AUTS2: variants seen among roughly 807,000 people sequenced by gnomAD.
AUTS2 encodes the protein autism susceptibility gene 2 protein.
Under a neutral mutation model 112.4 loss-of-function variants are expected in AUTS2, and 17 were observed. The ratio of observed to expected loss-of-function variants is 0.15; its 90% CI spans 0.10 to 0.23. The LOEUF (loss-of-function observed/expected upper bound fraction) is 0.23. Among genes scored for constraint, AUTS2 ranks in the 10% least tolerant of loss-of-function variants. AUTS2 has a pLI of 1.00. For synonymous variants in AUTS2, 751 were observed against 702.7 expected (o/e 1.07, Z -1.09); for missense variants, 1,510 against 1,701.6 (o/e 0.89, Z 1.98).
intron 1 of AUTS2, among the ~76,000 whole-genome samples, chr7:69,731,997 TG>T: frequency 6.6e-6 from 1 of 152,272 alleles, no homozygotes; most frequent in African/African-American, 2.4e-5. Flanking sequence ...AATAGTTTTT[TG>T]TTTTTTGTTT....
At chr7:70,240,622 T>C (rs1428443822) in intron 4 of AUTS2, among the ~76,000 whole-genome samples, 9 of 152,212 alleles carry the variant, frequency 5.9e-5, no homozygotes, top group African/African-American at 2.2e-4. Flanking sequence ...ATTCAGTTGG[T>C]CTGCTCAAGG....
At chr7:69,704,808 T>A (rs1054112175) in intron 1 of AUTS2, among the ~76,000 whole-genome samples, 2 of 152,186 alleles carry the variant, frequency 1.3e-5, no homozygotes, top group African/African-American at 4.8e-5. Context: ...ATATTCAGTA[T>A]TTTGATATTC....
Position 69,598,556 on chromosome 7 carries a change from AG to A in AUTS2, c.-1097del. Reference sequence around the variant, plus strand: ...GGGCTTTCTCGGCGGCGGCGGCGGCAGCAGCAGCAGCGTTAGCGGCGGCGGC... The same window carrying A: ...GGGCTTTCTCGGCGGCGGCGGCGGCACAGCAGCAGCGTTAGCGGCGGCGGC... On this transcript the variant is annotated 5_prime_UTR_variant, in exon 1 of 19. Coordinates refer to ENST00000342771, the MANE Select transcript of AUTS2 (RefSeq NM_015570.4). 1 of 169,068 alleles carries A rather than the reference AG, an allele frequency of 5.9e-6. No homozygotes were observed. Among genetic ancestry groups the A allele is most frequent in the Non-Finnish European group, 1.2e-5 (1 of 80,926 alleles). The allele number at this position is 169,068 out of a possible 1,614,324, so 10.5% of individuals were successfully genotyped here.
chr7:70,182,982 A>G (rs1426537120), intron 4 of AUTS2, among the ~76,000 whole-genome samples: 1 of 152,164 alleles, frequency 6.6e-6, no homozygotes, highest in Admixed American at 6.5e-5. Context: ...CATGTGAATA[A>G]GGGGAAGCCC....
At chr7:70,267,587 C>T (rs773747505) in intron 4 of AUTS2, among the ~76,000 whole-genome samples, 3 of 152,142 alleles carry the variant, frequency 2.0e-5, no homozygotes, top group African/African-American at 4.8e-5. Context: ...GCCTGAATTT[C>T]GTTAGCTGTG....
intron 5 of AUTS2, among the ~76,000 whole-genome samples, chr7:70,480,573 A>G (rs1033668023): frequency 6.6e-6 from 1 of 152,166 alleles, no homozygotes; most frequent in East Asian, 1.9e-4. Flanking sequence ...TCTTGGGATC[A>G]GGTGCTCTTG....
At chr7:70,737,879 A>C (rs1787864050) in intron 6 of AUTS2, among the ~76,000 whole-genome samples, 1 of 152,216 alleles carries the variant, frequency 6.6e-6, no homozygotes. Context: ...AGTAAAATAT[A>C]ATGCAGACTA....
At position 70,043,767 on chromosome 7, in the gene AUTS2, G is replaced by A. The variant is rs375126725; in HGVS notation, c.523-74365G>A. ...TGGGATTACAGACATGCGCCACCACGTGCGTCTAATTTTGTATTTTCAGTA... is the reference window on the plus strand; with the variant it reads ...TGGGATTACAGACATGCGCCACCACATGCGTCTAATTTTGTATTTTCAGTA... On this transcript the variant is annotated intron_variant, in intron 2 of 18. Transcript: ENST00000342771. Among the ~76,000 whole-genome samples the A allele has an allele frequency of 3.8e-4, 58 of 152,008 alleles. 2 individuals carry two copies. The highest frequency in any genetic ancestry group is 1.2e-3 in the African/African-American group (50 of 41,476).
At position 69,599,615 on chromosome 7, in the gene AUTS2, T is replaced by A. The variant is rs1397675813; in HGVS notation, c.-39T>A. 1 of 1,268,170 alleles carries A rather than the reference T, an allele frequency of 7.9e-7. No individual in the cohort carries two copies. The allele number at this position is 1,268,170 out of a possible 1,614,324, so 78.6% of individuals were successfully genotyped here. A position where few individuals can be genotyped will look rare whatever the true frequency, so the allele number is the denominator to read the frequency against. On this transcript the variant is annotated 5_prime_UTR_variant, in exon 1 of 19. Coordinates refer to ENST00000342771, the MANE Select transcript of AUTS2 (RefSeq NM_015570.4). This position sits in a 1 kb window ranked among gnomAD's most constrained non-coding sequence, Gnocchi z 7.0. ...TTTTTGTGTGGCTGCGGCCGTAGCCTGTGGCGGGCAAGCGGGGAGACCCCG... is the reference window on the plus strand; with the variant it reads ...TTTTTGTGTGGCTGCGGCCGTAGCCAGTGGCGGGCAAGCGGGGAGACCCCG...
chr7:70,217,759 C>T (rs1354996803), intron 4 of AUTS2, among the ~76,000 whole-genome samples: 1 of 152,162 alleles, frequency 6.6e-6, no homozygotes, highest in Non-Finnish European at 1.5e-5. Flanking sequence ...ATGCGATTTC[C>T]TGATCCCAGG....
At chr7:70,026,585 CA>C (rs1322550728) in intron 2 of AUTS2, among the ~76,000 whole-genome samples, 2 of 152,150 alleles carry the variant, frequency 1.3e-5, no homozygotes, top group Non-Finnish European at 2.9e-5. Flanking sequence ...CTTGCCAACT[CA>C]AATTTTGGGC....
intron 4 of AUTS2, among the ~76,000 whole-genome samples, chr7:70,315,271 G>T (rs186739396): frequency 1.3e-5 from 2 of 151,988 alleles, no homozygotes; most frequent in African/African-American, 4.8e-5. Context: ...TTAAATATTC[G>T]TCAGTATCCC....
chr7:69,929,639 G>C (rs1796155167), intron 2 of AUTS2, among the ~76,000 whole-genome samples: 1 of 152,082 alleles, frequency 6.6e-6, no homozygotes, highest in Non-Finnish European at 1.5e-5. Context: ...TCTGTTGTTA[G>C]TCCTATTCAA....
intron 4 of AUTS2, among the ~76,000 whole-genome samples, chr7:70,147,245 G>A (rs756185031): frequency 3.3e-5 from 5 of 151,538 alleles, no homozygotes; most frequent in African/African-American, 4.8e-5. Flanking sequence ...GTAAAATCAT[G>A]ACTCTCATAC....
intron 2 of AUTS2, among the ~76,000 whole-genome samples, chr7:70,072,132 C>G (rs374783602): frequency 5.5e-4 from 84 of 152,298 alleles, no homozygotes; most frequent in African/African-American, 2.0e-3. Context: ...TTCTTCTCAC[C>G]CTTTTTAATT....
chr7:69,709,393 G>C (rs187857247), intron 1 of AUTS2, among the ~76,000 whole-genome samples: 79 of 152,282 alleles, frequency 5.2e-4, no homozygotes, highest in African/African-American at 1.8e-3. Context: ...GATACCAGCA[G>C]AGTAAGTTAG....
At chr7:70,060,868 A>G (rs999212498) in intron 2 of AUTS2, among the ~76,000 whole-genome samples, 6 of 152,176 alleles carry the variant, frequency 3.9e-5, no homozygotes, top group African/African-American at 1.4e-4. Flanking sequence ...TGACTGAGGT[A>G]GGTATTTCTT....
intron 4 of AUTS2, among the ~76,000 whole-genome samples, chr7:70,341,955 T>G (rs1274761525): frequency 6.6e-6 from 1 of 152,218 alleles, no homozygotes; most frequent in Non-Finnish European, 1.5e-5. Context: ...ATGGGAGACT[T>G]GGGCCCGGGA....
At chr7:70,128,995 G>C (rs1322629966) in intron 3 of AUTS2, among the ~76,000 whole-genome samples, 1 of 152,044 alleles carries the variant, frequency 6.6e-6, no homozygotes, top group African/African-American at 2.4e-5. Flanking sequence ...ACCTTAATTA[G>C]GTACATCTAA....
Sources: allele counts gnomAD v4.1 joint callset (sites outside exome capture counted in the v4.1 genomes callset), GRCh38; gene constraint gnomAD v4.1.1; non-coding constraint Gnocchi (gnomAD v3.1); transcripts MANE v1.5; gene names NCBI Gene and HGNC (gene_info 2026-07-23, HGNC 2026-07-21).